C11orf98: variants seen among roughly 807,000 people sequenced by gnomAD.
C11orf98 encodes the protein 28S rRNA/ribosome and sororin micro-cofactor.
A neutral mutation model predicts 10.9 loss-of-function variants in C11orf98; 7 were observed. That is an observed-to-expected ratio of 0.64 (90% CI 0.37 to 1.21). The LOEUF (loss-of-function observed/expected upper bound fraction) is 1.21. Among genes scored for constraint, C11orf98 ranks in the 50% most tolerant of loss-of-function variants. The pLI, the probability that C11orf98 is intolerant of heterozygous loss-of-function variation, is 0.02. For missense variants in C11orf98, 181 were observed against 153.7 expected (o/e 1.18, Z -0.94); for synonymous variants, 70 against 57.2 (o/e 1.22, Z -1.01).
Position 62,663,295 on chromosome 11 carries a change from T to C in C11orf98, c.203A>G (p.Lys68Arg). 2 of 1,614,210 alleles carry C rather than the reference T, an allele frequency of 1.2e-6. No homozygotes were observed. Among genetic ancestry groups the C allele is most frequent in the East Asian group, 2.2e-5 (1 of 44,884 alleles). Reference protein sequence around the residue: ...ARANITLSGKKRRKLLQQIRL... With the variant: ...ARANITLSGKRRRKLLQQIRL... ...GATCTGCTGGAGGAGTTTTCTGCGCTTCTTCCCTGACAGTGTAATGTTGGC... is the reference window on the plus strand; with the variant it reads ...GATCTGCTGGAGGAGTTTTCTGCGCCTCTTCCCTGACAGTGTAATGTTGGC... The change falls in exon 3 of 4, where the codon AAG becomes AGG. Residue 68 changes from lysine (K) to arginine (R), a missense_variant. By Grantham distance (26) the Lys-to-Arg change is conservative. Transcript: ENST00000524958.
intron 2 of C11orf98, 100 bp downstream of exon 2, chr11:62,664,749 G>C (rs1944747975): frequency 3.5e-6 from 5 of 1,445,248 alleles, no homozygotes; most frequent in Non-Finnish European, 4.7e-6. Context: ...ATAAGCGTCA[G>C]TGCACAAGGT....
chr11:62,664,958 GCTT>G lies in C11orf98; in HGVS notation c.52_54del (p.Lys18del), dbSNP rs769266350. On this transcript the variant is annotated inframe_deletion, in exon 2 of 4. Coordinates refer to ENST00000524958, the MANE Select transcript of C11orf98 (RefSeq NM_001286086.2). ...TTCAACACCCGCCGGCGTTTGAACAGCTTCTTCTTCAGCTCCTGCCGGGGAGAA... is the reference window on the plus strand; with the variant it reads ...TTCAACACCCGCCGGCGTTTGAACAGCTTCTTCAGCTCCTGCCGGGGAGAA... 1.5e-5 allele frequency: 24 copies of G among 1,611,928 alleles called. No individual in the cohort carries two copies. Among genetic ancestry groups the G allele is most frequent in the African/African-American group, 9.3e-5 (7 of 74,928 alleles).
At position 62,665,145 on chromosome 11, in the gene C11orf98, T is replaced by G; in HGVS notation, c.25A>C (p.Asn9His). 1 of 996,092 alleles carries G rather than the reference T, an allele frequency of 1.0e-6. No individual in the cohort carries two copies. The highest frequency in any genetic ancestry group is 1.4e-5 in the South Asian group (1 of 73,262). The allele number at this position is 996,092 out of a possible 1,614,324, so 61.7% of individuals were successfully genotyped here. A position where few individuals can be genotyped will look rare whatever the true frequency, so the allele number is the denominator to read the frequency against. ...CACACAGTCACCGTTCGGGGCCGGT[T>G]GATCTTTCCCCCCGGAGCTCCCATA... MGAPGGKI[N>H]RPRTELKKKL... Residue 9 changes from asparagine to histidine, a missense_variant, in exon 1 of 4, where the codon AAC becomes CAC. Coordinates refer to ENST00000524958, the MANE Select transcript of C11orf98 (RefSeq NM_001286086.2).
Position 62,664,862 on chromosome 11 carries a change from G to A in C11orf98, c.151C>T (p.Leu51Phe). ...IDQGLITRHH[L>F]KKRASSARAN... Reference sequence around the variant, plus strand: ...TCTAGTACTTACGCCCGCTTCTTGAGGTGGTGCCGCGTGATCAGCCCTTGG... The same window carrying A: ...TCTAGTACTTACGCCCGCTTCTTGAAGTGGTGCCGCGTGATCAGCCCTTGG... The change falls in exon 2 of 4, where the codon CTC becomes TTC. Residue 51 changes from leucine (L) to phenylalanine (F), a missense_variant. Transcript: ENST00000524958. The A allele has an allele frequency of 6.4e-7, 1 of 1,572,734 alleles. No homozygotes were observed. Among genetic ancestry groups the A allele is most frequent in the South Asian group, 1.2e-5 (1 of 86,298 alleles).
chr11:62,662,933 C>G lies in C11orf98; in HGVS notation c.*117G>C. 1 of 773,136 alleles carries G rather than the reference C, an allele frequency of 1.3e-6. No homozygotes were observed. Among genetic ancestry groups the G allele is most frequent in the Non-Finnish European group, 2.1e-6 (1 of 486,618 alleles). 47.9% of individuals were successfully genotyped at this position (773,136 alleles called of 1,614,324 possible). On this transcript the variant is annotated 3_prime_UTR_variant, in exon 4 of 4. Coordinates refer to ENST00000524958, the MANE Select transcript of C11orf98 (RefSeq NM_001286086.2). ...ATCCCTCTAGGGGAGGTCAGTAGGC[C>G]ATTAGGTAGGAGGAAATCTGGAGAG...
intron 2 of C11orf98, among the ~76,000 whole-genome samples, chr11:62,663,697 A>T (rs1458972543): frequency 6.6e-6 from 1 of 150,608 alleles, no homozygotes; most frequent in East Asian, 1.9e-4. Context: ...CCGTCTCAAA[A>T]AAAAAAAAAA....
intron 2 of C11orf98, among the ~76,000 whole-genome samples, chr11:62,663,753 C>T (rs897224712): frequency 6.0e-5 from 9 of 150,302 alleles, no homozygotes; most frequent in South Asian, 4.2e-4. Flanking sequence ...AATAGAAACC[C>T]TAAATATTTA....
intron 2 of C11orf98, 34 bp downstream of exon 2, chr11:62,664,815 G>A (rs1292854530): frequency 1.3e-6 from 2 of 1,551,898 alleles, no homozygotes; most frequent in East Asian, 2.4e-5. Context: ...AGACTCGGTG[G>A]GGACGACCAA....
rs199790426 is a variant in C11orf98 at position 62,664,908 on chromosome 11, C to T, written c.105G>A (p.Arg35=). The T allele has an allele frequency of 6.3e-4, 1,002 of 1,599,788 alleles. No homozygotes were observed. Among genetic ancestry groups the T allele is most frequent in the Non-Finnish European group, 8.1e-4 (946 of 1,173,610 alleles). ...VLNRERRLRH[R]VVGAVIDQGL... ...CTTGGTCTATCACAGCCCCGACCACCCGGTGCCTCAGACGCCGCTCCCGAT... is the reference window on the plus strand; with the variant it reads ...CTTGGTCTATCACAGCCCCGACCACTCGGTGCCTCAGACGCCGCTCCCGAT... The change falls in exon 2 of 4, where the codon CGG becomes CGA. Residue 35 remains arginine (R), a synonymous_variant. Coordinates refer to ENST00000524958, the MANE Select transcript of C11orf98 (RefSeq NM_001286086.2).
rs201656371 is a variant in C11orf98 at position 62,664,986 on chromosome 11, A to G, written c.40-13T>C. Reference sequence around the variant, plus strand: ...TCTTCTTCAGCTCCTGCCGGGGAGAAAGATGCGAATCAGATGGAGTGGGCT... The same window carrying G: ...TCTTCTTCAGCTCCTGCCGGGGAGAGAGATGCGAATCAGATGGAGTGGGCT... On this transcript the variant is annotated splice_polypyrimidine_tract_variant and intron_variant, in intron 1 of 3. Transcript: ENST00000524958. 10 of 1,609,390 alleles carry G rather than the reference A, an allele frequency of 6.2e-6. No homozygotes were observed. Among genetic ancestry groups the G allele is most frequent in the African/African-American group, 4.0e-5 (3 of 75,042 alleles).
At chr11:62,665,109 G>A (rs900113479) in intron 1 of C11orf98, 22 bp downstream of exon 1, 1 of 1,327,586 alleles carries the variant, frequency 7.5e-7, no homozygotes, top group African/African-American at 1.5e-5. Flanking sequence ...AGGAAACAAA[G>A]TCGCGGCCCC....
intron 2 of C11orf98, among the ~76,000 whole-genome samples, chr11:62,663,811 G>A (rs996441057): frequency 2.0e-5 from 3 of 151,682 alleles, no homozygotes; most frequent in African/African-American, 7.3e-5. Context: ...GGTGGCTTAT[G>A]CCTGTAATCC....
chr11:62,664,306 C>A (rs1944732319), intron 2 of C11orf98, among the ~76,000 whole-genome samples: 1 of 149,976 alleles, frequency 6.7e-6, no homozygotes, highest in Admixed American at 6.7e-5. Context: ...GAATGGAGAG[C>A]CAACAGATTT....
intron 2 of C11orf98, 72 bp from the exon 3 acceptor site, chr11:62,663,405 T>A: frequency 1.3e-6 from 2 of 1,495,884 alleles, no homozygotes; most frequent in Non-Finnish European, 9.1e-7. Context: ...TAGTTCTGGC[T>A]ATAGAAAAAG....
At position 62,662,827 on chromosome 11, in the gene C11orf98, A is replaced by G; in HGVS notation, c.*223T>C. 1 of 553,620 alleles carries G rather than the reference A, an allele frequency of 1.8e-6. No homozygotes were observed. The highest frequency in any genetic ancestry group is 3.2e-6 in the Non-Finnish European group (1 of 314,346). The allele number at this position is 553,620 out of a possible 1,614,324, so 34.3% of individuals were successfully genotyped here. On this transcript the variant is annotated 3_prime_UTR_variant, in exon 4 of 4. Coordinates refer to ENST00000524958, the MANE Select transcript of C11orf98 (RefSeq NM_001286086.2). ...TTAATCACACACATCTCAGAGTGCT[A>G]GGGCTTTATTACAAATGGAGTTGAC...
intron 1 of C11orf98, 25 bp downstream of exon 1, chr11:62,665,105 CA>C (rs1944758347): frequency 7.3e-7 from 1 of 1,365,272 alleles, no homozygotes; most frequent in Admixed American, 2.0e-5. Flanking sequence ...CTTGAGGAAA[CA>C]AAGTCGCGGC....
Position 62,664,848 on chromosome 11 carries a change from C to A in C11orf98, c.164+1G>T, listed in dbSNP as rs763180637. 1 of 1,564,466 alleles carries A rather than the reference C, an allele frequency of 6.4e-7. No homozygotes were observed. ...CAACAGGAAGAGGGTCTAGTACTTA[C>A]GCCCGCTTCTTGAGGTGGTGCCGCG... On this transcript the variant is annotated splice_donor_variant, in intron 2 of 3. Coordinates refer to ENST00000524958, the MANE Select transcript of C11orf98 (RefSeq NM_001286086.2). LOFTEE classifies it high-confidence loss of function.
Position 62,663,136 on chromosome 11 carries a change from T to C in C11orf98, c.286A>G (p.Arg96Gly). 6.2e-7 allele frequency: 1 copy of C among 1,614,160 alleles called. No individual in the cohort carries two copies. Among genetic ancestry groups the C allele is most frequent in the Non-Finnish European group, 8.5e-7 (1 of 1,180,000 alleles). The change falls in exon 4 of 4, where the codon AGG becomes GGG. Residue 96 changes from arginine (R) to glycine (G), a missense_variant. Coordinates refer to ENST00000524958, the MANE Select transcript of C11orf98 (RefSeq NM_001286086.2). Reference sequence around the variant, plus strand: ...CTTTTGAGCTGTGGTTCACTAGTCCTGGCTGGCTTTGAAGGGGCTTCCACT... The same window carrying C: ...CTTTTGAGCTGTGGTTCACTAGTCCCGGCTGGCTTTGAAGGGGCTTCCACT... ...MEVEAPSKPARTSEPQLKRQK... is the reference protein window; with the variant it reads ...MEVEAPSKPAGTSEPQLKRQK...
chr11:62,665,211 A>T (rs1455473959), upstream of C11orf98: 25 of 792,786 alleles, frequency 3.2e-5, no homozygotes, highest in East Asian at 6.4e-4. Context: ...ACTTCCGCTC[A>T]GCGCCGGATC....
Sources: allele counts gnomAD v4.1 joint callset (sites outside exome capture counted in the v4.1 genomes callset), GRCh38; gene constraint gnomAD v4.1.1; transcripts MANE v1.5; gene names NCBI Gene and HGNC (gene_info 2026-07-23, HGNC 2026-07-21).